Variants in SOX5 observed in about 807,000 individuals in gnomAD.
SOX5 encodes the protein transcription factor SOX-5.
Under a neutral mutation model 92.0 loss-of-function variants are expected in SOX5, and 9 were observed. That is an observed-to-expected ratio of 0.10 (90% confidence interval 0.06 to 0.17). SOX5 has a LOEUF of 0.17. Ranked by LOEUF, SOX5 falls within the 10% of genes least tolerant of loss-of-function variation. The pLI is 1.00. For missense variants in SOX5, 642 were observed against 944.5 expected (o/e 0.68, Z 4.20); for synonymous variants, 344 against 336.3 (o/e 1.02, Z -0.25).
chr12:23,666,885 C>A (rs1479435971), intron 6 of SOX5, among the ~76,000 whole-genome samples: 1 of 152,162 alleles, frequency 6.6e-6, no homozygotes, highest in Non-Finnish European at 1.5e-5. Context: ...TCTTTCAGAT[C>A]TGTTTTCTTG....
intron 1 of SOX5, among the ~76,000 whole-genome samples, chr12:24,384,685 T>C (rs1227675554): frequency 6.6e-6 from 1 of 152,180 alleles, no homozygotes; most frequent in Non-Finnish European, 1.5e-5. Flanking sequence ...CTACAGTGCA[T>C]GATAGGTGCC....
chr12:23,669,658 A>G (rs971643467), intron 6 of SOX5, among the ~76,000 whole-genome samples: 1 of 151,886 alleles, frequency 6.6e-6, no homozygotes, highest in Non-Finnish European at 1.5e-5. Context: ...AAAAAAAAAG[A>G]AAAGAAATAT....
chr12:24,454,803 T>C (rs1316938338), intron 1 of SOX5, among the ~76,000 whole-genome samples: 1 of 152,324 alleles, frequency 6.6e-6, no homozygotes, highest in Non-Finnish European at 1.5e-5. Context: ...TTTTTTTTCA[T>C]GACATAGGTT....
chr12:23,707,450 A>G (rs1459687327), intron 6 of SOX5, among the ~76,000 whole-genome samples: 6 of 152,140 alleles, frequency 3.9e-5, no homozygotes, highest in Non-Finnish European at 8.8e-5. Context: ...CTGAATGTGT[A>G]TGGCATTCAC....
At chr12:24,357,094 A>C (rs1685085440) in intron 2 of SOX5, among the ~76,000 whole-genome samples, 1 of 151,912 alleles carries the variant, frequency 6.6e-6, no homozygotes. Context: ...ATGTCTTACA[A>C]ATAATAATTT....
At chr12:24,341,993 C>T (rs932187211) in intron 2 of SOX5, among the ~76,000 whole-genome samples, 1 of 152,212 alleles carries the variant, frequency 6.6e-6, no homozygotes, top group Non-Finnish European at 1.5e-5. Context: ...CTCCATAAAA[C>T]TATCTGACAT....
At chr12:24,088,147 A>T (rs938297186) in intron 4 of SOX5, among the ~76,000 whole-genome samples, 3 of 152,118 alleles carry the variant, frequency 2.0e-5, no homozygotes, top group Middle Eastern at 3.2e-3. Flanking sequence ...CTTTAAAAAA[A>T]AATCAAGGAT....
At chr12:24,118,094 T>TG (rs1322148969) in intron 4 of SOX5, among the ~76,000 whole-genome samples, 2 of 148,012 alleles carry the variant, frequency 1.4e-5, no homozygotes, top group Non-Finnish European at 1.5e-5. Flanking sequence ...TACTAGAGGC[T>TG]GGGGGGTGGG....
intron 2 of SOX5, among the ~76,000 whole-genome samples, chr12:23,861,608 A>G (rs950388144): frequency 6.6e-6 from 1 of 152,166 alleles, no homozygotes; most frequent in African/African-American, 2.4e-5. Context: ...AAAAATGCCG[A>G]TTGATAATAA....
intron 1 of SOX5, among the ~76,000 whole-genome samples, chr12:24,476,100 C>A (rs138351634): frequency 6.6e-6 from 1 of 152,062 alleles, no homozygotes; most frequent in East Asian, 1.9e-4. Flanking sequence ...GCTACACAAG[C>A]ATGGTGTGGG....
At chr12:23,553,660 T>C (rs1944626537) in intron 11 of SOX5, among the ~76,000 whole-genome samples, 1 of 152,040 alleles carries the variant, frequency 6.6e-6, no homozygotes, top group African/African-American at 2.4e-5. Flanking sequence ...ATGTTATACA[T>C]ACTGAGTCAA....
At chr12:24,381,009 T>G (rs73066455) in intron 1 of SOX5, among the ~76,000 whole-genome samples, 185 of 152,350 alleles carry the variant, frequency 1.2e-3, no homozygotes, top group Admixed American at 3.2e-3. Flanking sequence ...GACTTTGCAC[T>G]ACTGTAATCC....
intron 4 of SOX5, among the ~76,000 whole-genome samples, chr12:23,741,895 A>G (rs1352800222): frequency 6.6e-6 from 1 of 152,196 alleles, no homozygotes. Context: ...GAATCTTATT[A>G]AGTTAAAATT....
intron 1 of SOX5, among the ~76,000 whole-genome samples, chr12:24,388,607 T>A (rs1958662189): frequency 6.6e-6 from 1 of 152,162 alleles, no homozygotes. Context: ...TTAAAACAAC[T>A]TTTTTGAGAT....
chr12:23,923,989 T>C (rs1939221688), intron 1 of SOX5, among the ~76,000 whole-genome samples: 1 of 152,240 alleles, frequency 6.6e-6, no homozygotes, highest in Non-Finnish European at 1.5e-5. Flanking sequence ...AAAGTGGTCT[T>C]GTGATGCTTA....
At chr12:23,737,423 C>T (rs1017020265) in intron 5 of SOX5, among the ~76,000 whole-genome samples, 2 of 151,930 alleles carry the variant, frequency 1.3e-5, no homozygotes, top group African/African-American at 2.4e-5. Context: ...ACCTGTAATC[C>T]CAGCTACTTG....
At chr12:23,566,606 G>A (rs190560471) in intron 10 of SOX5, among the ~76,000 whole-genome samples, 66 of 152,226 alleles carry the variant, frequency 4.3e-4, no homozygotes, top group South Asian at 1.7e-3. Flanking sequence ...GGGCAAGCCC[G>A]AATTAAAATC....
chr12:23,856,933 T>C (rs1236902722), intron 2 of SOX5, among the ~76,000 whole-genome samples: 1 of 152,176 alleles, frequency 6.6e-6, no homozygotes, highest in Non-Finnish European at 1.5e-5. Context: ...CATGTCTGAT[T>C]ATTCACACAC....
chr12:24,057,527 C>T (rs560336322), intron 4 of SOX5, among the ~76,000 whole-genome samples: 14 of 152,198 alleles, frequency 9.2e-5, no homozygotes, highest in Admixed American at 3.3e-4. Context: ...ATGATGTAAT[C>T]GTTTTGTTTT....
Sources: gnomAD v4.1 joint callset for allele counts (sites outside exome capture counted in the v4.1 genomes callset) on GRCh38, gnomAD v4.1.1 for gene constraint, MANE v1.5 for transcripts, NCBI Gene and HGNC (gene_info 2026-07-23, HGNC 2026-07-21) for gene names.